The following UBE4B variants were observed in gnomAD, a reference collection of about 807,000 sequenced individuals.
UBE4B encodes the protein ubiquitin conjugation factor E4 B.
A neutral mutation model predicts 148.1 loss-of-function variants in UBE4B; 27 were observed. The observed-to-expected ratio is 0.18, with a 90% confidence interval of 0.13 to 0.25. The LOEUF (loss-of-function observed/expected upper bound fraction) is 0.25. Among genes scored for constraint, UBE4B ranks in the 10% least tolerant of loss-of-function variants. The pLI is 1.00. For synonymous variants in UBE4B, 596 were observed against 619.3 expected, an observed-to-expected ratio of 0.96 and a Z score of 0.56; for missense variants, 1,170 against 1,662.4, an observed-to-expected ratio of 0.70 and a Z score of 5.15.
Position 10,135,109 on chromosome 1 carries a change from G to A in UBE4B, c.2147G>A (p.Cys716Tyr). 1 of 1,614,078 alleles carries A rather than the reference G, an allele frequency of 6.2e-7. No homozygotes were observed. The highest frequency in any genetic ancestry group is 8.5e-7 in the Non-Finnish European group (1 of 1,180,018). Residue 716 changes from cysteine to tyrosine, a missense_variant, in exon 16 of 28, where the codon TGT (cysteine) becomes TAT (tyrosine). Physicochemically the swap from Cys to Tyr is radical, Grantham distance 194. Transcript: ENST00000343090. ...VDPTYIFHPR[C>Y]RITLPNDETR... is the part of the protein sequence containing the mutation. ...CCCACGTATATTTTTCACCCAAGAT[G>A]TCGGATTACTCTTCCCAATGATGAG...
At chr1:10,176,912 A>G (rs548679128) in intron 25 of UBE4B, among the ~76,000 whole-genome samples, 12 of 150,008 alleles carry the variant, frequency 8.0e-5, no homozygotes, top group Admixed American at 3.3e-4. Context: ...CAGCCTCCCA[A>G]ATAGCTGGGA....
chr1:10,079,385 T>G (rs1278291263), intron 2 of UBE4B, among the ~76,000 whole-genome samples: 2 of 152,048 alleles, frequency 1.3e-5, no homozygotes, highest in Admixed American at 6.6e-5. Context: ...GTCTTGAACT[T>G]CTGACCTCAA....
intron 3 of UBE4B, among the ~76,000 whole-genome samples, chr1:10,100,472 G>C (rs763583195): frequency 2.0e-5 from 3 of 152,128 alleles, no homozygotes; most frequent in Non-Finnish European, 4.4e-5. Context: ...GACCATAGGC[G>C]CATGCCAATA....
intron 14 of UBE4B, among the ~76,000 whole-genome samples, chr1:10,131,963 A>C (rs1035064186): frequency 6.6e-6 from 1 of 151,742 alleles, no homozygotes; most frequent in Admixed American, 6.6e-5. Flanking sequence ...AAAAAAAAAA[A>C]CAACAAAAAT....
At chr1:10,065,861 TC>T (rs1644377056) in intron 1 of UBE4B, among the ~76,000 whole-genome samples, 1 of 152,150 alleles carries the variant, frequency 6.6e-6, no homozygotes, top group Non-Finnish European at 1.5e-5. Flanking sequence ...ATAATGTAAA[TC>T]TACATCCTTT....
intron 1 of UBE4B, among the ~76,000 whole-genome samples, chr1:10,052,856 G>T (rs1259653293): frequency 1.3e-5 from 2 of 152,170 alleles, no homozygotes; most frequent in Non-Finnish European, 2.9e-5. Context: ...CATTCTGGAG[G>T]CTGAGAAGTT....
At chr1:10,101,498 C>CTTTTTTTTT (rs34066776) in intron 4 of UBE4B, among the ~76,000 whole-genome samples, 2 of 56,166 alleles carry the variant, frequency 3.6e-5, no homozygotes, top group Non-Finnish European at 6.5e-5. Flanking sequence ...TGGTCTTTTG[C>CTTTTTTTTT]TTTTTTTTTT....
chr1:10,138,636 C>CT (rs1224201522), intron 17 of UBE4B, among the ~76,000 whole-genome samples: 154 of 151,452 alleles, frequency 1.0e-3, no homozygotes, highest in African/African-American at 3.0e-3. Context: ...ATTTCTTTTA[C>CT]TTTTTTTTTC....
rs115645382 is a variant in UBE4B, at chr1:10,039,734, G to A, written c.24+6040G>A. Among the ~76,000 whole-genome samples the A allele has an allele frequency of 9.0e-3, 1,362 of 151,930 alleles. 25 individuals carry two copies. The highest frequency in any genetic ancestry group is 0.031 in the African/African-American group (1,294 of 41,438). On this transcript the variant is annotated intron_variant, in intron 1 of 27. Transcript: ENST00000343090. ...GGATTACAGGCGTGAGCCACTGCAC[G>A]TGGCTGAGTTTGAACTTTCTCTGTA...
intron 1 of UBE4B, among the ~76,000 whole-genome samples, chr1:10,041,908 T>C (rs952959128): frequency 6.6e-6 from 1 of 152,128 alleles, no homozygotes; most frequent in African/African-American, 2.4e-5. Flanking sequence ...TTGGCCAGGC[T>C]GGTCTCAAAC....
chr1:10,094,095 T>A (rs368673422), intron 2 of UBE4B, among the ~76,000 whole-genome samples: 39 of 152,268 alleles, frequency 2.6e-4, no homozygotes, highest in African/African-American at 8.9e-4. Context: ...TCTTTTTTCA[T>A]AGGAAGATAT....
chr1:10,055,749 G>A (rs2101802343), intron 1 of UBE4B, among the ~76,000 whole-genome samples: 1 of 152,180 alleles, frequency 6.6e-6, no homozygotes, highest in South Asian at 2.1e-4. Context: ...GTGAAACCCT[G>A]TCTTTACTAA....
At chr1:10,158,538 T>C (rs948926974) in intron 22 of UBE4B, 56 bp downstream of exon 22, 2 of 1,594,120 alleles carry the variant, frequency 1.3e-6, no homozygotes, top group Non-Finnish European at 1.7e-6. Flanking sequence ...GCAGGTAGGA[T>C]TGCAGCTTAA....
chr1:10,112,556 T>C (rs1366523309), intron 7 of UBE4B, among the ~76,000 whole-genome samples: 1 of 152,106 alleles, frequency 6.6e-6, no homozygotes, highest in Non-Finnish European at 1.5e-5. Flanking sequence ...CCCGCCACCA[T>C]GCCTGGCTAA....
At chr1:10,109,731 A>G (rs1310235344) in intron 7 of UBE4B, among the ~76,000 whole-genome samples, 1 of 151,820 alleles carries the variant, frequency 6.6e-6, no homozygotes, top group Non-Finnish European at 1.5e-5. Flanking sequence ...GCTCACTGCA[A>G]CCTCCACCTC....
rs535750971 is a variant in UBE4B at position 10,074,932 on chromosome 1, G to A, written c.211+2718G>A. 2.0e-4 allele frequency among the ~76,000 whole-genome samples: 30 copies of A among 152,222 alleles called. 2 individuals are homozygous for A. The highest frequency in any genetic ancestry group is 5.8e-4 in the African/African-American group (24 of 41,544). On this transcript the variant is annotated intron_variant, in intron 2 of 27. Coordinates refer to ENST00000343090, the MANE Select transcript of UBE4B (RefSeq NM_001105562.3). ...TGAACCTCAGATTGACACATCCAGC[G>A]CTTTACCTGACATCTCTGCTTGGAT...
At chr1:10,135,285 C>A in intron 16 of UBE4B, 99 bp downstream of exon 16, 1 of 1,203,620 alleles carries the variant, frequency 8.3e-7, no homozygotes, top group Non-Finnish European at 1.2e-6. Context: ...ATAAAATGAA[C>A]TTAAGAGATA....
At chr1:10,095,034 C>T (rs1644909236) in intron 2 of UBE4B, among the ~76,000 whole-genome samples, 1 of 152,196 alleles carries the variant, frequency 6.6e-6, no homozygotes, top group Non-Finnish European at 1.5e-5. Flanking sequence ...CTGCCTTGGC[C>T]TCCCAAAGTG....
In UBE4B at chr1:10,161,051, G is replaced by A. The variant is rs1646151687; in HGVS notation, c.3054-91G>A. The A allele has an allele frequency of 1.4e-6, 2 of 1,463,112 alleles. No homozygotes were observed. Among genetic ancestry groups the A allele is most frequent in the Non-Finnish European group, 1.9e-6 (2 of 1,069,926 alleles). The allele number at this position is 1,463,112 out of a possible 1,614,324, so 90.6% of individuals were successfully genotyped here. A position where few individuals can be genotyped will look rare whatever the true frequency, so the allele number is the denominator to read the frequency against. ...AGGCTTTTAGGGTGAGATAGTTGCAGTCTGGGTGGAGGTGCTTGTTCCCTG... is the reference window on the plus strand; with the variant it reads ...AGGCTTTTAGGGTGAGATAGTTGCAATCTGGGTGGAGGTGCTTGTTCCCTG... On this transcript the variant is annotated intron_variant, in intron 22 of 27. Transcript: ENST00000343090. The surrounding 1 kb of genome is among the most constrained non-coding windows in gnomAD (Gnocchi z 4.1).
Sources: gnomAD v4.1 joint callset for allele counts (sites outside exome capture counted in the v4.1 genomes callset) on GRCh38, gnomAD v4.1.1 for gene constraint, Gnocchi (gnomAD v3.1) non-coding constraint, MANE v1.5 for transcripts, NCBI Gene and HGNC (gene_info 2026-07-23, HGNC 2026-07-21) for gene names.